NBPF6: variants seen among roughly 807,000 people sequenced by gnomAD.
NBPF6 encodes the protein NBPF family member NBPF6.
In NBPF6, 2 loss-of-function variants were observed where a neutral mutation model predicts 20.8. The observed-to-expected ratio is 0.10, with a 90% CI of 0.04 to 0.30. NBPF6 has a LOEUF of 0.30. NBPF6 is among the 10% of genes least tolerant of loss of function. NBPF6 has a pLI of 1.00. For synonymous variants in NBPF6, 24 were observed against 100.0 expected (o/e 0.24, Z 4.53); for missense variants, 85 against 260.3 (o/e 0.33, Z 4.63).
Position 108,467,524 on chromosome 1 carries a change from A to G in NBPF6, c.1734A>G (p.Ala578=). 6.5e-7 allele frequency: 1 copy of G among 1,548,926 alleles called. No individual in the cohort carries two copies. Among genetic ancestry groups the G allele is most frequent in the Non-Finnish European group, 8.7e-7 (1 of 1,145,590 alleles). ...AAGATGATGCACTTGAAGGCTCAGCAAGCAACACACAAGGGCGTCAAGTCA... is the reference window on the plus strand; with the variant it reads ...AAGATGATGCACTTGAAGGCTCAGCGAGCAACACACAAGGGCGTCAAGTCA... The part of the protein sequence containing the change: ...QLEDDALEGS[A]SNTQGRQVTG... Residue 578 remains alanine, a synonymous_variant, in exon 14 of 15, where the codon GCA becomes GCG. Transcript: ENST00000495380.
At chr1:108,441,432 A>C in the NBPF6 span, among the ~76,000 whole-genome samples, 1 of 6,004 alleles carries the variant, frequency 1.7e-4, no homozygotes, top group African/African-American at 6.8e-4. Flanking sequence ...GTTGCATAGG[A>C]ATGGTAAGAG....
In NBPF6 at chr1:108,470,521, A is replaced by C. The variant is rs570175008; in HGVS notation, c.1876-76A>C. The C allele has an allele frequency of 9.1e-4, 1,050 of 1,155,050 alleles. 5 individuals carry two copies. The African/African-American group carries it at 0.015, about 17-fold the overall frequency. The allele number at this position is 1,155,050 out of a possible 1,614,324, so 71.6% of individuals were successfully genotyped here. ...TCCCAGTGAGATATCACTGCTTAGC[A>C]ATCCCTCCAGACTCAGCCATCAGGT... On this transcript the variant is annotated intron_variant, in intron 14 of 14. Transcript: ENST00000495380.
At chr1:108,436,610 A>G in the NBPF6 span, among the ~76,000 whole-genome samples, 5 of 55,760 alleles carry the variant, frequency 9.0e-5, no homozygotes, top group African/African-American at 2.3e-4. Context: ...AAAAAAAAAA[A>G]AAAGAAAAGA....
Position 108,452,950 on chromosome 1 carries a change from G to C in NBPF6, c.279-231G>C, listed in dbSNP as rs1228307941. ...GCACTCTCTCATATATCAGAAGGCT[G>C]TGTGTGTGTGTGTGTGTGTGTATGT... is the stretch of plus-strand genomic sequence containing the variant. On this transcript the variant is annotated intron_variant, in intron 3 of 14. Transcript: ENST00000495380. 5.2e-5 allele frequency among the ~76,000 whole-genome samples: 3 copies of C among 58,094 alleles called. 1 individual carries two copies. Among genetic ancestry groups the C allele is most frequent in the African/African-American group, 1.9e-4 (3 of 16,014 alleles). The allele number at this position is 58,094 out of a possible 152,430, so 38.1% of individuals were successfully genotyped here.
At position 108,470,785 on chromosome 1, in the gene NBPF6, T is replaced by TAGTG; in HGVS notation, c.*147_*148insAGTG. The TAGTG allele has an allele frequency of 1.8e-6, 1 of 547,132 alleles. No individual in the cohort carries two copies. The highest frequency in any genetic ancestry group is 3.3e-6 in the Non-Finnish European group (1 of 304,788). The allele number at this position is 547,132 out of a possible 1,614,324, so 33.9% of individuals were successfully genotyped here. ...TACTCTTGATGACTTCAAGCCACTA[T>TAGTG]GCTCCTTTGATTTGAGAAGCCACAT... On this transcript the variant is annotated 3_prime_UTR_variant, in exon 15 of 15. Coordinates refer to ENST00000495380, the MANE Select transcript of NBPF6 (RefSeq NM_001143988.2).
intron 14 of NBPF6, 144 bp from the exon 15 acceptor site, chr1:108,470,453 A>T: frequency 1.4e-6 from 1 of 690,074 alleles, no homozygotes; most frequent in South Asian, 2.1e-5. Context: ...CCCCCTTCTG[A>T]CAGCCCAGGA....
At chr1:108,425,556 A>G in the NBPF6 span, among the ~76,000 whole-genome samples, 1 of 3,524 alleles carries the variant, frequency 2.8e-4, no homozygotes, top group African/African-American at 4.5e-4. Context: ...TAGACTATCA[A>G]TTCTATAACA....
chr1:108,449,446 ATATATATATATATATC>A (rs1188321488), upstream of NBPF6, among the ~76,000 whole-genome samples: 4 of 14,382 alleles, frequency 2.8e-4, no homozygotes, highest in African/African-American at 3.8e-4. Flanking sequence ...ATATATATAT[ATATATATATATATATC>A]TCCAACAATA....
chr1:108,453,000 GTGTGTGTGTATA>G lies in NBPF6; in HGVS notation c.279-179_279-168del, dbSNP rs1317838325. Among the ~76,000 whole-genome samples, 2 of 64,096 alleles carry G rather than the reference GTGTGTGTGTATA, an allele frequency of 3.1e-5. 1 individual carries two copies. 42.0% of individuals were successfully genotyped at this position (64,096 alleles called of 152,430 possible). A position where few individuals can be genotyped will look rare whatever the true frequency, so the allele number is the denominator to read the frequency against. On this transcript the variant is annotated intron_variant, in intron 3 of 14. Transcript: ENST00000495380. ...TTTGTTTGTGTGTGTGTGTGTGTGT[GTGTGTGTGTATA>G]TATATATATATTCTTCTTTCTCTTG...
Position 108,470,966 on chromosome 1 carries a change from G to A in NBPF6, c.*328G>A. ...GAGACAGCATGTCAGCCGGGACTCT[G>A]CCAGGGCAGAGTATGAGCAATGCCA... On this transcript the variant is annotated 3_prime_UTR_variant, in exon 15 of 15. Coordinates refer to ENST00000495380, the MANE Select transcript of NBPF6 (RefSeq NM_001143988.2). 1 of 247,242 alleles carries A rather than the reference G, an allele frequency of 4.0e-6. No individual in the cohort carries two copies. Among genetic ancestry groups the A allele is most frequent in the Non-Finnish European group, 7.8e-6 (1 of 128,474 alleles). 15.3% of individuals were successfully genotyped at this position (247,242 alleles called of 1,614,324 possible).
chr1:108,429,536 A>T, the NBPF6 span, among the ~76,000 whole-genome samples: 2 of 124,970 alleles, frequency 1.6e-5, no homozygotes, highest in Non-Finnish European at 3.6e-5. Flanking sequence ...CTTTGTTCCC[A>T]TTGGTTTCAA....
chr1:108,448,479 T>C (rs1652699634), upstream of NBPF6, among the ~76,000 whole-genome samples: 1 of 143,146 alleles, frequency 7.0e-6, no homozygotes, highest in African/African-American at 2.5e-5. Context: ...TTGCAGACAC[T>C]TCTGAATTTC....
At chr1:108,442,476 GA>G in the NBPF6 span, among the ~76,000 whole-genome samples, 1 of 152,408 alleles carries the variant, frequency 6.6e-6, no homozygotes, top group East Asian at 1.9e-4. Context: ...AAAATATTTG[GA>G]AATTATGTAT....
chr1:108,448,510 G>A (rs1389915075), upstream of NBPF6, among the ~76,000 whole-genome samples: 1 of 134,548 alleles, frequency 7.4e-6, no homozygotes, highest in Admixed American at 7.3e-5. Context: ...CTGAAGGAGG[G>A]CACACCTCTG....
chr1:108,465,508 C>T, intron 13 of NBPF6, 84 bp downstream of exon 13: 1 of 433,684 alleles, frequency 2.3e-6, no homozygotes, highest in East Asian at 3.9e-5. Flanking sequence ...AGAATGGGGC[C>T]TCCCATGCTT....
At chr1:108,440,296 A>G in the NBPF6 span, among the ~76,000 whole-genome samples, 1 of 30,278 alleles carries the variant, frequency 3.3e-5, no homozygotes, top group African/African-American at 8.7e-5. Flanking sequence ...AAAAAAAAAA[A>G]GGACCACATC....
upstream of NBPF6, among the ~76,000 whole-genome samples, chr1:108,449,416 CTATA>C (rs1165819915): frequency 0.046 from 401 of 8,758 alleles, 30 homozygotes; most frequent in African/African-American, 0.048. Flanking sequence ...GTTAGAACAA[CTATA>C]TATATATATA....
chr1:108,470,983 G>A lies in NBPF6; in HGVS notation c.*345G>A, dbSNP rs1558078973. The A allele has an allele frequency of 1.9e-5, 4 of 212,348 alleles. No homozygotes were observed. The highest frequency in any genetic ancestry group is 2.3e-5 in the African/African-American group (1 of 43,482). The allele number at this position is 212,348 out of a possible 1,614,324, so 13.2% of individuals were successfully genotyped here. ...GGGACTCTGCCAGGGCAGAGTATGA[G>A]CAATGCCATGTTCTTGCTGAAAACG... On this transcript the variant is annotated 3_prime_UTR_variant, in exon 15 of 15. Transcript: ENST00000495380.
chr1:108,470,624 A>G lies in NBPF6; in HGVS notation c.1903A>G (p.Arg635Gly), dbSNP rs745827768. Reference protein sequence around the residue: ...EIPNTAERMQRMIG With the variant: ...EIPNTAERMQGMIG ...ACCAAATACTGCTGAAAGGATGCAA[A>G]GGATGATAGGATGAAAGAATGTCAC... Residue 635 changes from arginine (R) to glycine (G), a missense_variant, in exon 15 of 15, where the codon AGG becomes GGG. Transcript: ENST00000495380. 2.6e-6 allele frequency: 4 copies of G among 1,557,212 alleles called. No individual in the cohort carries two copies. The highest frequency in any genetic ancestry group is 2.4e-5 in the South Asian group (2 of 84,378).
Sources: gnomAD v4.1 joint callset for allele counts (sites outside exome capture counted in the v4.1 genomes callset) on GRCh38, gnomAD v4.1.1 for gene constraint, MANE v1.5 for transcripts, NCBI Gene and HGNC (gene_info 2026-07-23, HGNC 2026-07-21) for gene names.